Variants in NDRG4 observed in about 807,000 individuals in gnomAD.
The protein encoded by NDRG4 is NDRG family member 4.
A neutral mutation model predicts 55.8 loss-of-function variants in NDRG4; 38 were observed. That is an observed-to-expected ratio of 0.68 (90% CI 0.53 to 0.89). The LOEUF (loss-of-function observed/expected upper bound fraction) is 0.89. Ranked by LOEUF, NDRG4 falls within the 40% of genes least tolerant of loss-of-function variation. The pLI is 0.00. For missense variants in NDRG4, 455 were observed against 468.6 expected, an observed-to-expected ratio of 0.97 and a Z score of 0.27; for synonymous variants, 190 against 182.7, an observed-to-expected ratio of 1.04 and a Z score of -0.32.
Position 58,511,408 on chromosome 16 carries a change from G to C in NDRG4, c.905-14G>C. ...GCCCGCCAGTCCTCAGGCCCATCCTGTCTCTGTCCACAGTGCCCTCAGCCA... is the reference window on the plus strand; with the variant it reads ...GCCCGCCAGTCCTCAGGCCCATCCTCTCTCTGTCCACAGTGCCCTCAGCCA... On this transcript the variant is annotated splice_polypyrimidine_tract_variant and intron_variant, in intron 14 of 14. Coordinates refer to ENST00000570248, the MANE Select transcript of NDRG4 (RefSeq NM_001242835.2). 1 of 1,595,614 alleles carries C rather than the reference G, an allele frequency of 6.3e-7. No homozygotes were observed. The highest frequency in any genetic ancestry group is 8.6e-7 in the Non-Finnish European group (1 of 1,169,270).
Position 58,504,357 on chromosome 16 carries a change from A to AG in NDRG4, c.249dup. 1 of 1,613,656 alleles carries AG rather than the reference A, an allele frequency of 6.2e-7. No homozygotes were observed. Among genetic ancestry groups the AG allele is most frequent in the Non-Finnish European group, 8.5e-7 (1 of 1,180,004 alleles). The stretch of plus-strand genomic sequence containing the variant: ...GGCCCTGACCTCCTGCTCTGCCTGC[A>AG]GGTACCAGTTCCCCTCCATGGAGCA... On this transcript the variant is annotated splice_acceptor_variant, in intron 3 of 14. Transcript: ENST00000570248. LOFTEE classifies it high-confidence loss of function.
Position 58,503,895 on chromosome 16 carries a change from G to T in NDRG4, c.119G>T (p.Gly40Val). 1.2e-6 allele frequency: 2 copies of T among 1,613,676 alleles called. No homozygotes were observed. The highest frequency in any genetic ancestry group is 1.1e-5 in the South Asian group (1 of 91,082). The change falls in exon 2 of 15, where the codon GGC becomes GTC. Residue 40 changes from glycine (G) to valine (V), a missense_variant. Physicochemically the swap from Gly to Val is moderately radical, Grantham distance 109. Transcript: ENST00000570248. The stretch of plus-strand genomic sequence containing the variant: ...GCCATCCTCACCTACCATGATGTGG[G>T]CCTCAACCGTAAGTGCAGCCCAGCC... Reference protein sequence around the residue: ...RPAILTYHDVGLNHKLCFNTF... With the variant: ...RPAILTYHDVVLNHKLCFNTF...
chr16:58,510,697 C>CCTT lies in NDRG4; in HGVS notation c.904+16_904+18dup. ...GTGGAGGAGCAGGTAGCCCCACGGC[C>CCTT]CTTCCCCTGATGCATGGACGCCCAG... On this transcript the variant is annotated intron_variant, in intron 14 of 14. Transcript: ENST00000570248. 2.0e-6 allele frequency: 3 copies of CCTT among 1,535,776 alleles called. No individual in the cohort carries two copies. Among genetic ancestry groups the CCTT allele is most frequent in the Non-Finnish European group, 2.6e-6 (3 of 1,146,700 alleles).
At chr16:58,494,844 A>AG (rs1567598477) in intron 2 of NDRG4, 343 of 810,512 alleles carry the variant, frequency 4.2e-4, no homozygotes, top group Non-Finnish European at 4.5e-4. Context: ...AAAAAAAAAA[A>AG]AAAGAAAAGA....
intron 14 of NDRG4, chr16:58,511,019 T>C (rs1240035670): frequency 4.1e-6 from 2 of 486,664 alleles, no homozygotes; most frequent in Non-Finnish European, 7.4e-6. Flanking sequence ...GGGTAGAGTT[T>C]GCTGCCCGCA....
At chr16:58,508,832 C>T in intron 10 of NDRG4, 130 bp from the exon 11 acceptor site, 1 of 957,336 alleles carries the variant, frequency 1.0e-6, no homozygotes, top group South Asian at 1.5e-5. Context: ...AGCAGCCTGT[C>T]ACAGCTGCTG....
chr16:58,500,327 C>T, intron 1 of NDRG4, 58 bp downstream of exon 1: 1 of 1,526,116 alleles, frequency 6.6e-7, no homozygotes, highest in Non-Finnish European at 8.8e-7. Flanking sequence ...ATCCTTATGA[C>T]CCACCGCAGG....
chr16:58,484,003 G>A (rs1471310305), intron 1 of NDRG4, among the ~76,000 whole-genome samples: 1 of 152,200 alleles, frequency 6.6e-6, no homozygotes, highest in Non-Finnish European at 1.5e-5. Flanking sequence ...CCAGGAGTTC[G>A]AGGCTGCTGT....
rs1317522636 is a variant in NDRG4 at position 58,500,435 on chromosome 16, C to T, written c.21+166C>T. ...GACACGGCCAGAGTGCTCCAGGTTCCCTGGTGATCCTGTTTGCAGGAGTGG... is the reference window on the plus strand; with the variant it reads ...GACACGGCCAGAGTGCTCCAGGTTCTCTGGTGATCCTGTTTGCAGGAGTGG... On this transcript the variant is annotated intron_variant, in intron 1 of 14. Transcript: ENST00000570248. 5.5e-6 allele frequency: 5 copies of T among 915,134 alleles called. No individual in the cohort carries two copies. In the African/African-American group the frequency reaches 8.5e-5, roughly 16 times the overall value. The allele number at this position is 915,134 out of a possible 1,614,324, so 56.7% of individuals were successfully genotyped here. A position where few individuals can be genotyped will look rare whatever the true frequency, so the allele number is the denominator to read the frequency against.
chr16:58,496,752 G>A (rs547254232), upstream of NDRG4, among the ~76,000 whole-genome samples: 10 of 152,278 alleles, frequency 6.6e-5, no homozygotes, highest in East Asian at 1.9e-4. Flanking sequence ...TCAGCTGACC[G>A]TGACGAGTGG....
chr16:58,511,805 C>A lies in NDRG4; in HGVS notation c.*229C>A. On this transcript the variant is annotated 3_prime_UTR_variant, in exon 15 of 15. Coordinates refer to ENST00000570248, the MANE Select transcript of NDRG4 (RefSeq NM_001242835.2). ...TCCGTGGTAACTTAGCCAACTTGAC[C>A]CCTCTCATCCCACTCCCGGCGGCCC... The A allele has an allele frequency of 1.6e-6, 1 of 607,770 alleles. No homozygotes were observed. Among genetic ancestry groups the A allele is most frequent in the Non-Finnish European group, 3.0e-6 (1 of 334,790 alleles). The allele number at this position is 607,770 out of a possible 1,614,324, so 37.6% of individuals were successfully genotyped here.
rs896062148 is a variant in NDRG4 at position 58,505,265 on chromosome 16, C to T, written c.372+616C>T. Among the ~76,000 whole-genome samples the T allele has an allele frequency of 4.5e-4, 69 of 151,898 alleles. 1 individual carries two copies. The highest frequency in any genetic ancestry group is 1.6e-3 in the Admixed American group (25 of 15,260). On this transcript the variant is annotated intron_variant, in intron 5 of 14. Coordinates refer to ENST00000570248, the MANE Select transcript of NDRG4 (RefSeq NM_001242835.2). Reference sequence around the variant, plus strand: ...TCGGGAGGCTGAGGCAGGAGAAAGGCGTGAACCCGGGAGGCGGAGCTTGCA... The same window carrying T: ...TCGGGAGGCTGAGGCAGGAGAAAGGTGTGAACCCGGGAGGCGGAGCTTGCA...
upstream of NDRG4, among the ~76,000 whole-genome samples, chr16:58,497,545 A>G (rs538268770): frequency 2.0e-5 from 2 of 98,234 alleles, no homozygotes; most frequent in South Asian, 9.1e-4. Flanking sequence ...ATCCCTTCTC[A>G]TAGGTCCATG....
chr16:58,484,999 A>T (rs1235967254), intron 1 of NDRG4, among the ~76,000 whole-genome samples: 1 of 149,822 alleles, frequency 6.7e-6, no homozygotes, highest in Non-Finnish European at 1.5e-5. Flanking sequence ...CTCCTGCCTC[A>T]GCCTCCCGAG....
chr16:58,506,847 C>T, intron 7 of NDRG4, 65 bp from the exon 8 acceptor site: 1 of 1,454,584 alleles, frequency 6.9e-7, no homozygotes. Context: ...ATCTGCCAGC[C>T]CCCTCTAAGC....
downstream of NDRG4, among the ~76,000 whole-genome samples, chr16:58,515,254 C>T (rs1426555412): frequency 6.6e-6 from 1 of 152,256 alleles, no homozygotes; most frequent in African/African-American, 2.4e-5. Context: ...CGCAAGAAGC[C>T]TCAGCCCTCG....
chr16:58,508,689 G>A (rs1432376767), intron 10 of NDRG4, among the ~76,000 whole-genome samples: 1 of 152,138 alleles, frequency 6.6e-6, no homozygotes, highest in Admixed American at 6.5e-5. Context: ...GTCCCACCAC[G>A]GCAGCCCAGC....
rs148451358 is a variant in NDRG4, at chr16:58,477,314, G to A, written c.-23-10442G>A. ...TTCTAAACGTCATTCTCCAATAAAG[G>A]GAACTAGGTCTCCTTGGAGAAATGG... On this transcript the variant is annotated intron_variant, in intron 1 of 15. Transcript: ENST00000258187. 1.3e-3 allele frequency among the ~76,000 whole-genome samples: 194 copies of A among 152,216 alleles called. 1 individual carries two copies. The highest frequency in any genetic ancestry group is 4.3e-3 in the African/African-American group (180 of 41,532).
chr16:58,506,657 T>G (rs1289002466), intron 7 of NDRG4, 43 bp downstream of exon 7: 1 of 1,543,004 alleles, frequency 6.5e-7, no homozygotes, highest in East Asian at 2.4e-5. Flanking sequence ...ATCTGGGATT[T>G]GCCCCTCCCA....
Sources: allele counts gnomAD v4.1 joint callset (sites outside exome capture counted in the v4.1 genomes callset), GRCh38; gene constraint gnomAD v4.1.1; transcripts MANE v1.5; gene names NCBI Gene and HGNC (gene_info 2026-07-23, HGNC 2026-07-21).